Variants in LYST observed in about 807,000 individuals in gnomAD.
LYST encodes the protein lysosomal-trafficking regulator.
Under a neutral mutation model 413.6 loss-of-function variants are expected in LYST, and 192 were observed. The ratio of observed to expected loss-of-function variants is 0.46; its 90% confidence interval spans 0.41 to 0.52. The LOEUF is 0.52. Among genes scored for constraint, LYST ranks in the 20% least tolerant of loss-of-function variants. The pLI is 0.00. For missense variants in LYST, 3,815 were observed against 4,499.9 expected (o/e 0.85, Z 4.35); for synonymous variants, 1,525 against 1,567.3 (o/e 0.97, Z 0.64).
At chr1:235,769,689 C>T (rs1668470125) in intron 20 of LYST, among the ~76,000 whole-genome samples, 1 of 152,026 alleles carries the variant, frequency 6.6e-6, no homozygotes, top group Admixed American at 6.6e-5. Flanking sequence ...ATAGACATTA[C>T]AATGTAACTG....
intron 48 of LYST, among the ~76,000 whole-genome samples, chr1:235,682,432 G>A (rs1160535912): frequency 6.6e-6 from 1 of 152,152 alleles, no homozygotes. Context: ...AGCATGTGGC[G>A]GACAAGCAAT....
intron 3 of LYST, among the ~76,000 whole-genome samples, chr1:235,827,046 G>T (rs188604129): frequency 9.9e-5 from 15 of 152,126 alleles, no homozygotes; most frequent in Admixed American, 2.6e-4. Context: ...TCAATAAAAA[G>T]TTTATTTACT....
chr1:235,791,140 A>C (rs902725739), intron 12 of LYST, among the ~76,000 whole-genome samples: 14 of 152,040 alleles, frequency 9.2e-5, no homozygotes, highest in Non-Finnish European at 7.4e-5. Flanking sequence ...AAAATTAGCC[A>C]GGTGTGATTG....
chr1:235,777,527 T>A (rs549240109), intron 16 of LYST, among the ~76,000 whole-genome samples: 1 of 152,312 alleles, frequency 6.6e-6, no homozygotes, highest in East Asian at 1.9e-4. Context: ...ATTGTATAGA[T>A]CACATCAAGG....
In LYST at chr1:235,857,742, TACACACACAC is replaced by T. The variant is rs56208034; in HGVS notation, c.-98+9091_-98+9100del. ...GTATATATACACAAACATATGTAAA[TACACACACAC>T]ACACACACACACACACACACACACA... On this transcript the variant is annotated intron_variant, in intron 1 of 52. Transcript: ENST00000389793. 5.0e-3 allele frequency among the ~76,000 whole-genome samples: 644 copies of T among 129,340 alleles called. 3 individuals carry two copies. Among genetic ancestry groups the T allele is most frequent in the African/African-American group, 7.7e-3 (246 of 32,110 alleles). The allele number at this position is 129,340 out of a possible 152,430, so 84.9% of individuals were successfully genotyped here. A position where few individuals can be genotyped will look rare whatever the true frequency, so the allele number is the denominator to read the frequency against.
chr1:235,864,506 C>A (rs900508321), intron 1 of LYST, among the ~76,000 whole-genome samples: 2 of 152,168 alleles, frequency 1.3e-5, no homozygotes, highest in Admixed American at 6.5e-5. Context: ...CCACTCTGGT[C>A]CAAGCTACAT....
chr1:235,727,462 C>T (rs993136561), intron 38 of LYST, among the ~76,000 whole-genome samples: 1 of 151,896 alleles, frequency 6.6e-6, no homozygotes, highest in African/African-American at 2.4e-5. Flanking sequence ...GTAATTAAAC[C>T]ACACATAATC....
At chr1:235,880,689 T>G (rs933950925) in intron 1 of LYST, among the ~76,000 whole-genome samples, 2 of 152,230 alleles carry the variant, frequency 1.3e-5, no homozygotes, top group Non-Finnish European at 2.9e-5. Flanking sequence ...TATGGAAAAC[T>G]GTCTCCTCAA....
In LYST at chr1:235,720,900, A is replaced by G. The variant is rs1302697587; in HGVS notation, c.9321T>C (p.Arg3107=). 1 of 1,613,708 alleles carries G rather than the reference A, an allele frequency of 6.2e-7. No individual in the cohort carries two copies. The highest frequency in any genetic ancestry group is 1.7e-5 in the Admixed American group (1 of 60,032). ...LLLAFDNTKV[R]DDVYHNILTN... is the part of the protein sequence containing the mutation. ...TGAGTATATTGTGGTATACATCATC[A>G]CGAACCTAAAAGGGAAGGAGAAGAA... is the stretch of plus-strand genomic sequence containing the variant. Residue 3107 remains arginine, a synonymous_variant, in exon 40 of 53, where the codon CGT becomes CGC. Coordinates refer to ENST00000389793, the MANE Select transcript of LYST (RefSeq NM_000081.4).
At chr1:235,738,288 G>A (rs774074473) in intron 31 of LYST, 12 of 1,611,712 alleles carry the variant, frequency 7.4e-6, no homozygotes, top group Admixed American at 1.7e-5. Context: ...TATCACGGCT[G>A]AGGCACATCG....
At chr1:235,703,303 A>G (rs1192429209) in intron 44 of LYST, among the ~76,000 whole-genome samples, 1 of 152,222 alleles carries the variant, frequency 6.6e-6, no homozygotes, top group Non-Finnish European at 1.5e-5. Flanking sequence ...ATATAGGAAA[A>G]GGCAAAAATG....
chr1:235,792,972 T>A (rs1671179441), intron 11 of LYST, among the ~76,000 whole-genome samples: 2 of 152,156 alleles, frequency 1.3e-5, no homozygotes, highest in South Asian at 2.1e-4. Context: ...CCTTAGATGT[T>A]CTCTGGAACA....
At chr1:235,834,221 T>G (rs992489335) in intron 1 of LYST, among the ~76,000 whole-genome samples, 2 of 152,294 alleles carry the variant, frequency 1.3e-5, no homozygotes. Context: ...TCTAGAAGAC[T>G]AAAGGATAAA....
chr1:235,699,538 T>C (rs1397539234), intron 45 of LYST, among the ~76,000 whole-genome samples: 7 of 152,228 alleles, frequency 4.6e-5, no homozygotes, highest in African/African-American at 9.6e-5. Context: ...GCAATAAACA[T>C]ACGAGTGCAT....
At chr1:235,845,671 C>T (rs975437621) in intron 1 of LYST, among the ~76,000 whole-genome samples, 1 of 152,030 alleles carries the variant, frequency 6.6e-6, no homozygotes, top group Non-Finnish European at 1.5e-5. Context: ...TGAGAGTGGC[C>T]CTTCTGTTTG....
chr1:235,751,453 T>C, intron 27 of LYST, 91 bp from the exon 28 acceptor site: 5 of 1,166,296 alleles, frequency 4.3e-6, no homozygotes, highest in Non-Finnish European at 6.3e-6. Flanking sequence ...AATAATGTTT[T>C]GATATAAATT....
At chr1:235,760,194 T>C (rs1252446758) in intron 22 of LYST, among the ~76,000 whole-genome samples, 1 of 152,058 alleles carries the variant, frequency 6.6e-6, no homozygotes, top group African/African-American at 2.4e-5. Flanking sequence ...TGGTCCAAGG[T>C]AAATCACTTA....
chr1:235,772,443 C>T (rs1159578465), intron 19 of LYST, among the ~76,000 whole-genome samples: 1 of 151,802 alleles, frequency 6.6e-6, no homozygotes, highest in Non-Finnish European at 1.5e-5. Flanking sequence ...TCAGTACCTA[C>T]TAGAACCCTG....
At chr1:235,735,453 A>G (rs1457514823) in intron 31 of LYST, 1 of 152,160 alleles carries the variant, frequency 6.6e-6, no homozygotes, top group Non-Finnish European at 1.5e-5. Flanking sequence ...GTGTTACTTA[A>G]GATAATGACA....
Sources: allele counts gnomAD v4.1 joint callset (sites outside exome capture counted in the v4.1 genomes callset), GRCh38; gene constraint gnomAD v4.1.1; transcripts MANE v1.5; gene names NCBI Gene and HGNC (gene_info 2026-07-23, HGNC 2026-07-21).